SIRT3: variants seen among roughly 807,000 people sequenced by gnomAD.
SIRT3 encodes the protein sirtuin 3, also known as NAD-dependent protein deacetylase sirtuin-3, mitochondrial.
SIRT3 carries 26 observed loss-of-function variants against 33.5 expected under a neutral mutation model. The ratio of observed to expected loss-of-function variants is 0.78; its 90% CI spans 0.57 to 1.08. The LOEUF (loss-of-function observed/expected upper bound fraction) is 1.08, where lower values mean the gene tolerates loss of function less well. SIRT3 is among the 50% of genes least tolerant of loss of function. SIRT3 has a pLI of 0.00. For missense variants in SIRT3, 585 were observed against 530.1 expected, an observed-to-expected ratio of 1.10 and a Z score of -1.02; for synonymous variants, 237 against 222.1, an observed-to-expected ratio of 1.07 and a Z score of -0.60.
chr11:216,275 G>A lies in SIRT3; in HGVS notation c.*423C>T, dbSNP rs139494349. ...AGACTACACTTCGGAACATGAAGAG[G>A]GCTGGGGACCGCTCGGCCCAAGTCT... On this transcript the variant is annotated 3_prime_UTR_variant, in exon 7 of 7. Coordinates refer to ENST00000382743, the MANE Select transcript of SIRT3 (RefSeq NM_012239.6). 255 of 181,334 alleles carry A rather than the reference G, an allele frequency of 1.4e-3. 2 individuals carry two copies. The highest frequency in any genetic ancestry group is 2.2e-3 in the Non-Finnish European group (190 of 86,432). The allele number at this position is 181,334 out of a possible 1,614,324, so 11.2% of individuals were successfully genotyped here.
Position 219,019 on chromosome 11 carries a change from G to T in SIRT3, c.992C>A (p.Thr331Asn). ...SLEVEPFASLTEAVRSSVPRL... is the reference protein window; with the variant it reads ...SLEVEPFASLNEAVRSSVPRL... ...GGGAACTGAGCTCCGCACGGCCTCG[G>T]TCAAGCTGGCAAAAGGCTCCACCTG... The change falls in exon 6 of 7, where the codon ACC becomes AAC. Residue 331 changes from threonine (T) to asparagine (N), a missense_variant. Coordinates refer to ENST00000382743, the MANE Select transcript of SIRT3 (RefSeq NM_012239.6). 1 of 1,613,550 alleles carries T rather than the reference G, an allele frequency of 6.2e-7. No individual in the cohort carries two copies. The highest frequency in any genetic ancestry group is 8.5e-7 in the Non-Finnish European group (1 of 1,179,846).
chr11:225,789 T>C (rs1331825340), intron 4 of SIRT3: 2 of 152,186 alleles, frequency 1.3e-5, no homozygotes, highest in Admixed American at 6.6e-5. Flanking sequence ...GGCCAGATAG[T>C]GGGCTAGGGG....
chr11:228,627 G>T (rs1025508920), intron 4 of SIRT3, among the ~76,000 whole-genome samples: 32 of 152,042 alleles, frequency 2.1e-4, no homozygotes, highest in African/African-American at 7.5e-4. Flanking sequence ...ATGGATCAAA[G>T]AACTAAATGT....
At position 233,016 on chromosome 11, in the gene SIRT3, G is replaced by A; in HGVS notation, c.673C>T (p.Leu225Phe). ...LLHDKGLLLR[L>F]YTQNIDGLER... ...AGCCCATCGATGTTCTGCGTGTAGAGCCGCAGAAGCAGCCCCTTGTCATGA... is the reference window on the plus strand; with the variant it reads ...AGCCCATCGATGTTCTGCGTGTAGAACCGCAGAAGCAGCCCCTTGTCATGA... Residue 225 changes from leucine to phenylalanine, a missense_variant, in exon 3 of 7, where the codon CTC (leucine) becomes TTC (phenylalanine). Physicochemically the swap from Leu to Phe is conservative, Grantham distance 22. Coordinates refer to ENST00000382743, the MANE Select transcript of SIRT3 (RefSeq NM_012239.6). The A allele has an allele frequency of 6.2e-7, 1 of 1,613,432 alleles. No individual in the cohort carries two copies. Among genetic ancestry groups the A allele is most frequent in the Non-Finnish European group, 8.5e-7 (1 of 1,179,684 alleles).
In SIRT3 at chr11:236,148, A is replaced by T. The variant is rs199629592; in HGVS notation, c.181T>A (p.Leu61Met). 6.4e-7 allele frequency: 1 copy of T among 1,571,976 alleles called. No homozygotes were observed. The highest frequency in any genetic ancestry group is 8.6e-7 in the Non-Finnish European group (1 of 1,160,196). The change falls in exon 1 of 7, where the codon TTG becomes ATG. Residue 61 changes from leucine to methionine, a missense_variant. Physicochemically the swap from Leu to Met is conservative, Grantham distance 15 (BLOSUM62 2). Coordinates refer to ENST00000382743, the MANE Select transcript of SIRT3 (RefSeq NM_012239.6). ...CTCTGCAAGGGGCGCGCCGGGTCCA[A>T]GGGCTCACCGCGGGCCCCATGGCTG... is the stretch of plus-strand genomic sequence containing the variant. ...RGSHGARGEPLDPARPLQRPP... is the reference protein window; with the variant it reads ...RGSHGARGEPMDPARPLQRPP...
upstream of SIRT3, chr11:236,850 T>C: frequency 3.3e-6 from 2 of 597,386 alleles, no homozygotes; most frequent in South Asian, 2.0e-5. Flanking sequence ...GGAAGTGGGC[T>C]GCAAACGCCG....
chr11:219,865 G>A (rs1038591874), intron 5 of SIRT3, among the ~76,000 whole-genome samples: 1 of 151,380 alleles, frequency 6.6e-6, no homozygotes, highest in Admixed American at 6.6e-5. Flanking sequence ...CTATTATCTC[G>A]GTATCTACAT....
At chr11:217,937 A>G (rs752717625) in intron 6 of SIRT3, among the ~76,000 whole-genome samples, 3 of 152,210 alleles carry the variant, frequency 2.0e-5, no homozygotes, top group Non-Finnish European at 4.4e-5. Flanking sequence ...CTGATAGTGA[A>G]TAAGTCTCAC....
Position 223,297 on chromosome 11 carries a change from C to A in SIRT3, c.969+781G>T. ...ACACAGAACCGAGCTGGGCATCCTC[C>A]CTCCCAAATCACGCCTCACCAGCAA... On this transcript the variant is annotated intron_variant, in intron 5 of 6. Coordinates refer to ENST00000382743, the MANE Select transcript of SIRT3 (RefSeq NM_012239.6). This position sits in a 1 kb window ranked among gnomAD's most constrained non-coding sequence, Gnocchi z 4.8. 1 of 179,824 alleles carries A rather than the reference C, an allele frequency of 5.6e-6. No individual in the cohort carries two copies. Among genetic ancestry groups the A allele is most frequent in the Non-Finnish European group, 1.2e-5 (1 of 84,332 alleles). 11.1% of individuals were successfully genotyped at this position (179,824 alleles called of 1,614,324 possible).
intron 3 of SIRT3, 38 bp downstream of exon 3, chr11:232,945 G>A (rs1252476206): frequency 1.3e-6 from 2 of 1,593,526 alleles, no homozygotes; most frequent in African/African-American, 2.7e-5. Context: ...GAGCCTCCGT[G>A]GGAGAAAAAG....
upstream of SIRT3, chr11:236,834 T>G (rs182895690): frequency 3.4e-6 from 2 of 586,230 alleles, no homozygotes; most frequent in Non-Finnish European, 3.0e-6. Context: ...CACAGCCAAG[T>G]GCGCGGGAAG....
upstream of SIRT3, chr11:236,908 C>T (rs1054849424): frequency 2.8e-6 from 2 of 701,802 alleles, no homozygotes; most frequent in Non-Finnish European, 5.0e-6. Flanking sequence ...GAGCAACCAG[C>T]GGGGCCCGCC....
At chr11:220,305 T>C (rs1590112856) in intron 5 of SIRT3, among the ~76,000 whole-genome samples, 1 of 128,246 alleles carries the variant, frequency 7.8e-6, no homozygotes, top group African/African-American at 2.9e-5. Flanking sequence ...ACCTCCAGCC[T>C]GGGAGACAGA....
intron 4 of SIRT3, among the ~76,000 whole-genome samples, chr11:229,435 A>C (rs1169538991): frequency 6.6e-6 from 1 of 151,436 alleles, no homozygotes; most frequent in Non-Finnish European, 1.5e-5. Context: ...TAAGAGCTAG[A>C]CTCCGTCTCA....
chr11:224,448 G>A (rs923178274), intron 4 of SIRT3, among the ~76,000 whole-genome samples: 1 of 152,224 alleles, frequency 6.6e-6, no homozygotes, highest in Non-Finnish European at 1.5e-5. Flanking sequence ...AGGTATTGGA[G>A]CCTTTAAAAG....
At position 233,476 on chromosome 11, in the gene SIRT3, T is replaced by C. The variant is rs200609463; in HGVS notation, c.340A>G (p.Ser114Gly). ...FSVGASSVVG[S>G]GGSSDKGKLS... is the part of the protein sequence containing the mutation. ...TTCCCCTTGTCACTGCTGCCTCCAC[T>C]TCCAACAACACTTGAAGCACCCACA... is the stretch of plus-strand genomic sequence containing the variant. The change falls in exon 2 of 7, where the codon AGT becomes GGT. Residue 114 changes from serine to glycine, a missense_variant. Ser to Gly is a moderately conservative substitution (Grantham distance 56, BLOSUM62 0). Coordinates refer to ENST00000382743, the MANE Select transcript of SIRT3 (RefSeq NM_012239.6). 1.9e-6 allele frequency: 3 copies of C among 1,613,938 alleles called. No homozygotes were observed. The highest frequency in any genetic ancestry group is 1.7e-6 in the Non-Finnish European group (2 of 1,179,990).
chr11:223,669 C>G lies in SIRT3; in HGVS notation c.969+409G>C. On this transcript the variant is annotated intron_variant, in intron 5 of 6. Transcript: ENST00000382743. This position sits in a 1 kb window ranked among gnomAD's most constrained non-coding sequence, Gnocchi z 4.8. The stretch of plus-strand genomic sequence containing the variant: ...CGTGGTGCCCCACCCACACCTATAC[C>G]ACCTCCAAAGCCCAGCAGCTTCCCA... 1 of 608,466 alleles carries G rather than the reference C, an allele frequency of 1.6e-6. No individual in the cohort carries two copies. Among genetic ancestry groups the G allele is most frequent in the Non-Finnish European group, 3.0e-6 (1 of 331,698 alleles). The allele number at this position is 608,466 out of a possible 1,614,324, so 37.7% of individuals were successfully genotyped here. A position where few individuals can be genotyped will look rare whatever the true frequency, so the allele number is the denominator to read the frequency against.
Position 223,585 on chromosome 11 carries a change from G to C in SIRT3, c.969+493C>G. ...AGCATCAGTATTCCTGATCTGACCT[G>C]GGAGGCCCTGCCCCTCCACCTCGCC... On this transcript the variant is annotated intron_variant, in intron 5 of 6. Transcript: ENST00000382743. This position sits in a 1 kb window ranked among gnomAD's most constrained non-coding sequence, Gnocchi z 4.8. 1 of 438,210 alleles carries C rather than the reference G, an allele frequency of 2.3e-6. No homozygotes were observed. The highest frequency in any genetic ancestry group is 3.4e-4 in the Middle Eastern group (1 of 2,966). 27.1% of individuals were successfully genotyped at this position (438,210 alleles called of 1,614,324 possible). A position where few individuals can be genotyped will look rare whatever the true frequency, so the allele number is the denominator to read the frequency against.
chr11:224,761 G>A (rs1266274788), intron 4 of SIRT3, among the ~76,000 whole-genome samples: 1 of 152,126 alleles, frequency 6.6e-6, no homozygotes, highest in Non-Finnish European at 1.5e-5. Context: ...AACAACATCT[G>A]CCAAACACTG....
Sources: allele counts gnomAD v4.1 joint callset (sites outside exome capture counted in the v4.1 genomes callset), GRCh38; gene constraint gnomAD v4.1.1; non-coding constraint Gnocchi (gnomAD v3.1); transcripts MANE v1.5; gene names NCBI Gene and HGNC (gene_info 2026-07-23, HGNC 2026-07-21).